CCDC6: variants seen among roughly 807,000 people sequenced by gnomAD.
The protein encoded by CCDC6 is coiled-coil domain-containing protein 6.
CCDC6 carries 20 observed loss-of-function variants against 56.6 expected under a neutral mutation model. The observed-to-expected ratio is 0.35, with a 90% confidence interval of 0.25 to 0.51. The LOEUF (loss-of-function observed/expected upper bound fraction) is 0.51, where lower values mean the gene tolerates loss of function less well. Among genes scored for constraint, CCDC6 ranks in the 20% least tolerant of loss-of-function variants. The probability of loss-of-function intolerance (pLI) is 0.95; values close to 1 mark genes in which losing one functional copy is unlikely to be tolerated. For synonymous variants in CCDC6, 241 were observed against 234.4 expected (o/e 1.03, Z -0.26); for missense variants, 367 against 601.1 (o/e 0.61, Z 4.07).
At chr10:59,844,426 T>TAA (rs55710616) in intron 2 of CCDC6, among the ~76,000 whole-genome samples, 14,824 of 139,150 alleles carry the variant, frequency 0.11, 800 homozygotes, top group East Asian at 0.16. Flanking sequence ...GGAGGAATAT[T>TAA]AAAAAAAAAA....
chr10:59,821,984 A>T (rs540553292), intron 3 of CCDC6, among the ~76,000 whole-genome samples: 1 of 152,358 alleles, frequency 6.6e-6, no homozygotes, highest in Admixed American at 6.5e-5. Flanking sequence ...ATAATTGAAT[A>T]GTACATCCAA....
At chr10:59,896,580 GTCTT>G (rs926382084) in intron 1 of CCDC6, among the ~76,000 whole-genome samples, 2 of 147,432 alleles carry the variant, frequency 1.4e-5, no homozygotes, top group Admixed American at 1.4e-4. Flanking sequence ...ACCAGAGTAA[GTCTT>G]TCTTTAAAAA....
chr10:59,845,138 T>C (rs1043857233), intron 2 of CCDC6, among the ~76,000 whole-genome samples: 4 of 152,198 alleles, frequency 2.6e-5, no homozygotes, highest in Non-Finnish European at 4.4e-5. Context: ...TATCCTTCAA[T>C]AGACAAGATT....
chr10:59,833,220 G>A (rs559689964), intron 2 of CCDC6, among the ~76,000 whole-genome samples: 10 of 152,252 alleles, frequency 6.6e-5, no homozygotes, highest in South Asian at 2.1e-4. Flanking sequence ...AGGCCAAGGC[G>A]GGTGGACCAC....
At chr10:59,842,207 A>G (rs2070945944) in intron 2 of CCDC6, among the ~76,000 whole-genome samples, 1 of 151,298 alleles carries the variant, frequency 6.6e-6, no homozygotes, top group Non-Finnish European at 1.5e-5. Flanking sequence ...ACACCCCACT[A>G]ACTTATTTTT....
intron 1 of CCDC6, among the ~76,000 whole-genome samples, chr10:59,858,841 G>A (rs568356059): frequency 8.5e-5 from 13 of 152,140 alleles, no homozygotes; most frequent in Non-Finnish European, 1.8e-4. Context: ...TATGGGCAAG[G>A]GACACATAGT....
intron 3 of CCDC6, among the ~76,000 whole-genome samples, chr10:59,825,228 T>C (rs953162187): frequency 1.3e-5 from 2 of 152,214 alleles, no homozygotes; most frequent in African/African-American, 4.8e-5. Flanking sequence ...TGGTGGGAGA[T>C]AATTGAATCA....
intron 3 of CCDC6, among the ~76,000 whole-genome samples, chr10:59,814,958 A>T (rs1223003128): frequency 6.6e-6 from 1 of 152,140 alleles, no homozygotes; most frequent in Non-Finnish European, 1.5e-5. Context: ...TTAATGCTTA[A>T]TTGTTGTCTG....
chr10:59,812,347 A>AT (rs2132631585), intron 5 of CCDC6, among the ~76,000 whole-genome samples: 1 of 152,292 alleles, frequency 6.6e-6, no homozygotes, highest in South Asian at 2.1e-4. Flanking sequence ...AATCCTAGAG[A>AT]TAAACATGGC....
At chr10:59,795,653 G>A (rs2070509982) in intron 7 of CCDC6, among the ~76,000 whole-genome samples, 1 of 121,884 alleles carries the variant, frequency 8.2e-6, no homozygotes, top group African/African-American at 3.2e-5. Flanking sequence ...TCCCTAGAGT[G>A]TGATGTTATT....
At chr10:59,859,225 T>C (rs1420471953) in intron 1 of CCDC6, among the ~76,000 whole-genome samples, 2 of 148,382 alleles carry the variant, frequency 1.3e-5, no homozygotes, top group Non-Finnish European at 3.0e-5. Context: ...TGTGTGTGTG[T>C]GTGTGTGTGT....
At chr10:59,893,615 A>AATACATAC (rs67669225) in intron 1 of CCDC6, among the ~76,000 whole-genome samples, 572 of 148,640 alleles carry the variant, frequency 3.8e-3, no homozygotes, top group African/African-American at 7.1e-3. Flanking sequence ...CAAACAAACA[A>AATACATAC]ATACATACAT....
At chr10:59,835,849 A>C (rs947358204) in intron 2 of CCDC6, among the ~76,000 whole-genome samples, 10 of 152,094 alleles carry the variant, frequency 6.6e-5, no homozygotes, top group Non-Finnish European at 1.5e-4. Context: ...CTTGAGCCCC[A>C]GAGTTTGCGA....
chr10:59,846,517 TCAA>T (rs1222706166), intron 2 of CCDC6, among the ~76,000 whole-genome samples: 1 of 152,162 alleles, frequency 6.6e-6, no homozygotes, highest in African/African-American at 2.4e-5. Flanking sequence ...AGGAGCCAAG[TCAA>T]TAATAATAAA....
intron 2 of CCDC6, among the ~76,000 whole-genome samples, chr10:59,847,300 G>A (rs946404575): frequency 1.3e-5 from 2 of 151,992 alleles, no homozygotes; most frequent in Non-Finnish European, 2.9e-5. Context: ...TGATCCGCCC[G>A]CCTCGGCCTC....
At chr10:59,813,628 C>A (rs4948367) in intron 4 of CCDC6, among the ~76,000 whole-genome samples, 31,081 of 152,086 alleles carry the variant, frequency 0.2, 3,715 homozygotes, top group Middle Eastern at 0.27. Context: ...CAGGAGCAAA[C>A]TGAGTTACCT....
intron 7 of CCDC6, among the ~76,000 whole-genome samples, chr10:59,798,508 A>T (rs1050668132): frequency 5.3e-5 from 8 of 152,238 alleles, no homozygotes; most frequent in Non-Finnish European, 8.8e-5. Context: ...ATTCACATTT[A>T]CAAAATGGAG....
intron 3 of CCDC6, among the ~76,000 whole-genome samples, chr10:59,817,747 C>T (rs1371123614): frequency 6.6e-6 from 1 of 152,174 alleles, no homozygotes; most frequent in African/African-American, 2.4e-5. Flanking sequence ...AGGCATGTGA[C>T]TCTGAGCAGG....
chr10:59,814,829 A>T, intron 3 of CCDC6, 74 bp from the exon 4 acceptor site: 5 of 932,854 alleles, frequency 5.4e-6, no homozygotes, highest in Non-Finnish European at 8.7e-6. Flanking sequence ...TGATTGAACA[A>T]TTAGGACCCC....
Sources: allele counts gnomAD v4.1 joint callset (sites outside exome capture counted in the v4.1 genomes callset), GRCh38; gene constraint gnomAD v4.1.1; transcripts MANE v1.5; gene names NCBI Gene and HGNC (gene_info 2026-07-23, HGNC 2026-07-21).